Variants in SLC4A4 observed in about 807,000 individuals in gnomAD.
The protein encoded by SLC4A4 is electrogenic sodium bicarbonate cotransporter 1.
Under a neutral mutation model 111.5 loss-of-function variants are expected in SLC4A4, and 27 were observed. That is an observed-to-expected ratio of 0.24 (90% confidence interval 0.18 to 0.33). The LOEUF is 0.33. Among genes scored for constraint, SLC4A4 ranks in the 10% least tolerant of loss-of-function variants. The pLI is 1.00. For synonymous variants in SLC4A4, 443 were observed against 463.4 expected (o/e 0.96, Z 0.57); for missense variants, 909 against 1,315.5 (o/e 0.69, Z 4.78).
intron 1 of SLC4A4, among the ~76,000 whole-genome samples, chr4:71,204,094 G>T (rs1746374995): frequency 6.6e-6 from 1 of 152,192 alleles, no homozygotes; most frequent in Non-Finnish European, 1.5e-5. Context: ...ATTCCATGCG[G>T]TGTTGGCTAT....
At chr4:71,109,256 T>C (rs143276518) in intron 2 of SLC4A4, among the ~76,000 whole-genome samples, 82 of 152,276 alleles carry the variant, frequency 5.4e-4, no homozygotes, top group African/African-American at 1.9e-3. Context: ...TCATGGTGAT[T>C]TTCTAATTTC....
chr4:71,117,745 C>G (rs1254177204), intron 2 of SLC4A4, among the ~76,000 whole-genome samples: 1 of 152,154 alleles, frequency 6.6e-6, no homozygotes, highest in Non-Finnish European at 1.5e-5. Context: ...GGAAAGGGTT[C>G]TCTCCCTCTC....
At chr4:71,438,472 AG>A (rs1724371487) in intron 7 of SLC4A4, among the ~76,000 whole-genome samples, 1 of 152,230 alleles carries the variant, frequency 6.6e-6, no homozygotes, top group African/African-American at 2.4e-5. Flanking sequence ...CTTTAAAAAG[AG>A]TATTGTAACT....
At chr4:71,118,673 G>C (rs1297069544) in intron 2 of SLC4A4, among the ~76,000 whole-genome samples, 1 of 151,910 alleles carries the variant, frequency 6.6e-6, no homozygotes, top group Non-Finnish European at 1.5e-5. Flanking sequence ...ATTTGATGTA[G>C]AATTCTAGTT....
In SLC4A4 at chr4:71,451,335, G is replaced by A. The variant is rs1214455254; in HGVS notation, c.1322+34G>A. The A allele has an allele frequency of 3.8e-6, 5 of 1,303,808 alleles. No homozygotes were observed. The African/African-American group carries it at 7.3e-5, about 19-fold the overall frequency. The allele number at this position is 1,303,808 out of a possible 1,614,324, so 80.8% of individuals were successfully genotyped here. A position where few individuals can be genotyped will look rare whatever the true frequency, so the allele number is the denominator to read the frequency against. On this transcript the variant is annotated intron_variant, in intron 11 of 25. Coordinates refer to ENST00000264485, the MANE Select transcript of SLC4A4 (RefSeq NM_001098484.3). ...CAGTTTCCTTTGCCATTCATGATGA[G>A]GTTCTCCTTAAATGTAAATTTCCCT...
intron 7 of SLC4A4, among the ~76,000 whole-genome samples, chr4:71,425,935 G>A (rs1483649627): frequency 6.6e-6 from 1 of 151,988 alleles, no homozygotes; most frequent in South Asian, 2.1e-4. Context: ...AGAAGATCAG[G>A]GAAAAGACCT....
intron 7 of SLC4A4, among the ~76,000 whole-genome samples, chr4:71,400,823 T>C (rs1720287454): frequency 6.6e-6 from 1 of 152,194 alleles, no homozygotes; most frequent in South Asian, 2.1e-4. Flanking sequence ...CTCTGGCTTT[T>C]ATTTTTTTTT....
intron 1 of SLC4A4, among the ~76,000 whole-genome samples, chr4:71,076,049 AC>A (rs1266594968): frequency 6.6e-6 from 1 of 151,834 alleles, no homozygotes; most frequent in East Asian, 1.9e-4. Flanking sequence ...TACCTATCTT[AC>A]CCTACTTCAT....
At chr4:71,469,163 A>G (rs933876714) in intron 13 of SLC4A4, among the ~76,000 whole-genome samples, 1 of 151,996 alleles carries the variant, frequency 6.6e-6, no homozygotes, top group African/African-American at 2.4e-5. Flanking sequence ...TATCACAATA[A>G]TAATTAGATT....
intron 3 of SLC4A4, among the ~76,000 whole-genome samples, chr4:71,323,155 T>A (rs1261450675): frequency 6.6e-6 from 1 of 151,982 alleles, no homozygotes; most frequent in African/African-American, 2.4e-5. Context: ...TAAAAAACCT[T>A]AATTGGCTTG....
At chr4:71,179,075 A>G (rs1246936319) in intron 2 of SLC4A4, among the ~76,000 whole-genome samples, 6 of 152,240 alleles carry the variant, frequency 3.9e-5, no homozygotes. Context: ...AACATAATCC[A>G]GCATATAAAC....
intron 2 of SLC4A4, among the ~76,000 whole-genome samples, chr4:71,163,418 G>T (rs1744659147): frequency 6.6e-6 from 1 of 152,142 alleles, no homozygotes; most frequent in Admixed American, 6.5e-5. Context: ...CAAAATACCA[G>T]ATATAGTCTT....
chr4:71,173,690 C>G (rs1745008474), intron 2 of SLC4A4, among the ~76,000 whole-genome samples: 1 of 152,184 alleles, frequency 6.6e-6, no homozygotes, highest in Non-Finnish European at 1.5e-5. Context: ...CAACAATTAT[C>G]TAACCCTTCT....
At chr4:71,518,965 T>G (rs1732667635) in intron 16 of SLC4A4, among the ~76,000 whole-genome samples, 2 of 152,168 alleles carry the variant, frequency 1.3e-5, no homozygotes, top group Non-Finnish European at 2.9e-5. Context: ...TGGTACTCAT[T>G]TCCCTCTCCT....
intron 1 of SLC4A4, among the ~76,000 whole-genome samples, chr4:71,074,960 T>G (rs1023184295): frequency 6.6e-6 from 1 of 152,216 alleles, no homozygotes; most frequent in Non-Finnish European, 1.5e-5. Context: ...CCTTAAACTT[T>G]GTTCATTAGA....
At chr4:71,206,798 GATT>G (rs368280879) in intron 1 of SLC4A4, among the ~76,000 whole-genome samples, 42 of 150,302 alleles carry the variant, frequency 2.8e-4, no homozygotes, top group East Asian at 9.8e-4. Flanking sequence ...CATTCATTTT[GATT>G]ATTATTATTA....
intron 12 of SLC4A4, among the ~76,000 whole-genome samples, chr4:71,460,569 G>T (rs989127927): frequency 2.0e-5 from 3 of 152,070 alleles, no homozygotes; most frequent in African/African-American, 7.2e-5. Context: ...AGTACTTTAG[G>T]CAGAGCGGGT....
intron 18 of SLC4A4, among the ~76,000 whole-genome samples, chr4:71,537,322 C>T (rs1216377369): frequency 8.2e-5 from 1 of 12,146 alleles, no homozygotes; most frequent in Non-Finnish European, 3.4e-4. Flanking sequence ...CATATGTCTA[C>T]ATATATGTGT....
At chr4:71,552,610 C>A (rs1289416331) in intron 20 of SLC4A4, among the ~76,000 whole-genome samples, 1 of 151,796 alleles carries the variant, frequency 6.6e-6, no homozygotes, top group East Asian at 2.0e-4. Flanking sequence ...AGTATGTTAA[C>A]TCCTATTTTG....
Sources: allele counts gnomAD v4.1 joint callset (sites outside exome capture counted in the v4.1 genomes callset), GRCh38; gene constraint gnomAD v4.1.1; transcripts MANE v1.5; gene names NCBI Gene and HGNC (gene_info 2026-07-23, HGNC 2026-07-21).